GRM7: variants seen among roughly 807,000 people sequenced by gnomAD.
The protein encoded by GRM7 is metabotropic glutamate receptor 7.
A neutral mutation model predicts 84.5 loss-of-function variants in GRM7; 35 were observed. The ratio of observed to expected loss-of-function variants is 0.41; its 90% CI spans 0.32 to 0.55. The LOEUF (loss-of-function observed/expected upper bound fraction) is 0.55, where lower values mean the gene tolerates loss of function less well. Among genes scored for constraint, GRM7 ranks in the 20% least tolerant of loss-of-function variants. GRM7 has a pLI of 0.19. For missense variants in GRM7, 1,003 were observed against 1,194.6 expected (o/e 0.84, Z 2.36); for synonymous variants, 487 against 455.1 (o/e 1.07, Z -0.89).
chr3:7,587,707 G>A (rs1244706120), intron 8 of GRM7, among the ~76,000 whole-genome samples: 2 of 152,146 alleles, frequency 1.3e-5, no homozygotes, highest in East Asian at 1.9e-4. Flanking sequence ...CAGTTAAGAC[G>A]TGAAATTTTA....
chr3:7,184,563 G>A (rs1361171623), intron 2 of GRM7, among the ~76,000 whole-genome samples: 1 of 151,338 alleles, frequency 6.6e-6, no homozygotes, highest in African/African-American at 2.4e-5. Flanking sequence ...CCCTCAACTT[G>A]TATCCTTTCC....
intron 1 of GRM7, among the ~76,000 whole-genome samples, chr3:6,940,489 G>T (rs1396082110): frequency 6.6e-6 from 1 of 152,108 alleles, no homozygotes; most frequent in African/African-American, 2.4e-5. Context: ...TGGTCAATAT[G>T]CTTCAATAGT....
At chr3:6,943,996 A>T (rs1255582055) in intron 1 of GRM7, among the ~76,000 whole-genome samples, 2 of 152,056 alleles carry the variant, frequency 1.3e-5, no homozygotes, top group African/African-American at 4.8e-5. Flanking sequence ...GCATATAGAA[A>T]TATTGTACAT....
chr3:6,998,383 C>A (rs983156600), intron 1 of GRM7, among the ~76,000 whole-genome samples: 43 of 152,132 alleles, frequency 2.8e-4, no homozygotes, highest in Admixed American at 4.6e-4. Flanking sequence ...GGGTACAGTC[C>A]CCCCCAAAGT....
chr3:6,975,203 C>G (rs1183209282), intron 1 of GRM7, among the ~76,000 whole-genome samples: 2 of 152,030 alleles, frequency 1.3e-5, no homozygotes, highest in East Asian at 3.9e-4. Flanking sequence ...AGTAAAAATT[C>G]CCAATCGGAT....
At chr3:7,733,446 A>T (rs1030492262) in intron 9 of GRM7, among the ~76,000 whole-genome samples, 1 of 152,156 alleles carries the variant, frequency 6.6e-6, no homozygotes, top group Non-Finnish European at 1.5e-5. Context: ...GCTCCACCCC[A>T]TTCCCCCAGT....
intron 4 of GRM7, among the ~76,000 whole-genome samples, chr3:7,406,226 C>A (rs921484732): frequency 6.6e-6 from 1 of 151,974 alleles, no homozygotes; most frequent in Non-Finnish European, 1.5e-5. Context: ...ATCGGCCGGG[C>A]GTGGTGGCTC....
At chr3:7,385,289 A>ATTTTTTTTTTT (rs574917994) in intron 4 of GRM7, among the ~76,000 whole-genome samples, 1 of 67,262 alleles carries the variant, frequency 1.5e-5, no homozygotes, top group African/African-American at 5.5e-5. Context: ...TTCTATATGG[A>ATTTTTTTTTTT]TTTTTTTTTT....
intron 1 of GRM7, among the ~76,000 whole-genome samples, chr3:6,914,047 T>C (rs9311966): frequency 0.56 from 85,397 of 152,076 alleles, 26,001 homozygotes; most frequent in African/African-American, 0.82. Context: ...TAATTACCTG[T>C]GGTACGAATT....
At chr3:7,394,649 T>A (rs1163854440) in intron 4 of GRM7, among the ~76,000 whole-genome samples, 1 of 64 alleles carries the variant, frequency 0.016, no homozygotes, top group Non-Finnish European at 0.036. Flanking sequence ...ACGTGGGATC[T>A]TGCAGGCAGC....
chr3:7,080,755 C>A (rs1014738507), intron 1 of GRM7, among the ~76,000 whole-genome samples: 1 of 151,954 alleles, frequency 6.6e-6, no homozygotes, highest in Admixed American at 6.6e-5. Flanking sequence ...AATTGCCATA[C>A]TTATATGACA....
intron 4 of GRM7, among the ~76,000 whole-genome samples, chr3:7,340,424 G>A (rs1037643138): frequency 3.3e-5 from 5 of 152,220 alleles, no homozygotes; most frequent in South Asian, 2.1e-4. Flanking sequence ...TGTATGGGAA[G>A]CAAAGAGAGG....
chr3:7,077,796 G>A (rs984112721), intron 1 of GRM7, among the ~76,000 whole-genome samples: 5 of 152,046 alleles, frequency 3.3e-5, no homozygotes, highest in African/African-American at 1.2e-4. Flanking sequence ...GATAGGAAGT[G>A]ACAAATGGGA....
At chr3:7,003,139 T>C (rs1695071936) in intron 1 of GRM7, among the ~76,000 whole-genome samples, 2 of 152,164 alleles carry the variant, frequency 1.3e-5, no homozygotes, top group South Asian at 4.1e-4. Flanking sequence ...AGTACTCAGT[T>C]AGACTAAAGG....
chr3:7,369,489 CA>C (rs1434682186), intron 4 of GRM7, among the ~76,000 whole-genome samples: 1 of 151,790 alleles, frequency 6.6e-6, no homozygotes, highest in Non-Finnish European at 1.5e-5. Context: ...CAAATGGACA[CA>C]ATCAGTTGCA....
chr3:7,318,538 G>A (rs373728627), intron 4 of GRM7, among the ~76,000 whole-genome samples: 3 of 152,050 alleles, frequency 2.0e-5, no homozygotes, highest in African/African-American at 4.8e-5. Context: ...TGGAAGAAAA[G>A]TCATTTATAA....
intron 1 of GRM7, among the ~76,000 whole-genome samples, chr3:6,876,752 T>C (rs1378443599): frequency 6.6e-6 from 1 of 151,848 alleles, no homozygotes; most frequent in Non-Finnish European, 1.5e-5. Flanking sequence ...TAGGCACCCG[T>C]CACCACGCCC....
chr3:7,374,250 AT>A (rs1694253562), intron 4 of GRM7, among the ~76,000 whole-genome samples: 2 of 151,942 alleles, frequency 1.3e-5, no homozygotes, highest in African/African-American at 4.8e-5. Flanking sequence ...GTACATATAT[AT>A]TTTTTATTAT....
At chr3:7,518,879 T>C (rs906522586) in intron 7 of GRM7, among the ~76,000 whole-genome samples, 2 of 152,248 alleles carry the variant, frequency 1.3e-5, no homozygotes, top group Non-Finnish European at 2.9e-5. Context: ...TGTTTTAACA[T>C]TTAAGATTTA....
Sources: gnomAD v4.1 joint callset for allele counts (sites outside exome capture counted in the v4.1 genomes callset) on GRCh38, gnomAD v4.1.1 for gene constraint, MANE v1.5 for transcripts, NCBI Gene and HGNC (gene_info 2026-07-23, HGNC 2026-07-21) for gene names.